The following KIAA0825 variants were observed in gnomAD, a reference collection of about 807,000 sequenced individuals.
The protein encoded by KIAA0825 is uncharacterized protein KIAA0825.
Under a neutral mutation model 147.6 loss-of-function variants are expected in KIAA0825, and 119 were observed. The observed-to-expected ratio is 0.81, with a 90% CI of 0.69 to 0.94. The LOEUF is 0.94. Among genes scored for constraint, KIAA0825 ranks in the 40% least tolerant of loss-of-function variants. The pLI is 0.00. For missense variants in KIAA0825, 1,381 were observed against 1,472.7 expected, an observed-to-expected ratio of 0.94 and a Z score of 1.02; for synonymous variants, 470 against 518.1, an observed-to-expected ratio of 0.91 and a Z score of 1.26.
intron 14 of KIAA0825, among the ~76,000 whole-genome samples, chr5:94,432,635 T>A (rs1159726561): frequency 6.6e-6 from 1 of 152,198 alleles, no homozygotes; most frequent in African/African-American, 2.4e-5. Context: ...CAGACATCAT[T>A]ACTGGCAAAA....
At chr5:94,490,800 G>A (rs1274262515) in intron 5 of KIAA0825, among the ~76,000 whole-genome samples, 1 of 152,164 alleles carries the variant, frequency 6.6e-6, no homozygotes, top group Non-Finnish European at 1.5e-5. Context: ...GGTGTTAAAT[G>A]TTAGTTATAC....
intron 20 of KIAA0825, among the ~76,000 whole-genome samples, chr5:94,342,797 A>G (rs1438663057): frequency 6.6e-6 from 1 of 152,114 alleles, no homozygotes; most frequent in African/African-American, 2.4e-5. Context: ...GAAAAAAATC[A>G]TATTAAAAAT....
intron 14 of KIAA0825, among the ~76,000 whole-genome samples, chr5:94,417,728 C>T (rs1469733997): frequency 6.6e-6 from 1 of 152,082 alleles, no homozygotes; most frequent in Admixed American, 6.6e-5. Context: ...AATAGACATT[C>T]ATTCTAAAAA....
chr5:94,227,145 C>A (rs1409193503), intron 20 of KIAA0825, among the ~76,000 whole-genome samples: 3 of 152,184 alleles, frequency 2.0e-5, no homozygotes, highest in Non-Finnish European at 2.9e-5. Flanking sequence ...TTGGAACCAA[C>A]CCAAATGTCC....
At chr5:94,174,650 C>T (rs1583749425) in intron 20 of KIAA0825, among the ~76,000 whole-genome samples, 1 of 152,036 alleles carries the variant, frequency 6.6e-6, no homozygotes, top group Non-Finnish European at 1.5e-5. Context: ...AGCTTATCCC[C>T]CTTTAAGAGG....
At chr5:94,560,989 G>A (rs1285129842) in intron 2 of KIAA0825, among the ~76,000 whole-genome samples, 1 of 152,146 alleles carries the variant, frequency 6.6e-6, no homozygotes, top group Non-Finnish European at 1.5e-5. Flanking sequence ...ATATTTATGA[G>A]GTTACTCTGG....
intron 20 of KIAA0825, among the ~76,000 whole-genome samples, chr5:94,187,643 T>C (rs1339094575): frequency 6.6e-6 from 1 of 151,988 alleles, no homozygotes; most frequent in South Asian, 2.1e-4. Flanking sequence ...GCCAGGATGG[T>C]CTTGATCTCC....
At chr5:94,542,762 G>A (rs909246406) in intron 2 of KIAA0825, among the ~76,000 whole-genome samples, 2 of 151,854 alleles carry the variant, frequency 1.3e-5, no homozygotes, top group East Asian at 1.9e-4. Flanking sequence ...AGCCAAGATC[G>A]TGTCATTGCA....
In KIAA0825 at chr5:94,153,900, T is replaced by C; in HGVS notation, c.*107A>G. On this transcript the variant is annotated 3_prime_UTR_variant, in exon 21 of 21. Transcript: ENST00000682413. ...AGTACAGAGATTACTCAGTCATTGG[T>C]TTCATGCTTCACAGCACATATGAGG... 1.4e-6 allele frequency: 1 copy of C among 700,304 alleles called. No homozygotes were observed. The highest frequency in any genetic ancestry group is 1.8e-5 in the South Asian group (1 of 54,864). 43.4% of individuals were successfully genotyped at this position (700,304 alleles called of 1,614,324 possible).
intron 14 of KIAA0825, among the ~76,000 whole-genome samples, chr5:94,427,284 G>A (rs74572061): frequency 0.011 from 1,695 of 152,112 alleles, 24 homozygotes; most frequent in Middle Eastern, 0.031. Context: ...CTGTAATCAC[G>A]GGACTTTGGG....
At chr5:94,201,874 G>T (rs1295058903) in intron 20 of KIAA0825, among the ~76,000 whole-genome samples, 1 of 152,104 alleles carries the variant, frequency 6.6e-6, no homozygotes, top group Non-Finnish European at 1.5e-5. Context: ...GCAGTGTGGG[G>T]GTCAGTGGAT....
intron 20 of KIAA0825, among the ~76,000 whole-genome samples, chr5:94,378,204 G>A (rs747220184): frequency 1.1e-4 from 17 of 152,248 alleles, no homozygotes; most frequent in Admixed American, 3.3e-4. Flanking sequence ...ATTTCATCAT[G>A]CAGGTAATAA....
chr5:94,392,902 G>A (rs182278062), intron 17 of KIAA0825, among the ~76,000 whole-genome samples: 1 of 152,006 alleles, frequency 6.6e-6, no homozygotes, highest in East Asian at 1.9e-4. Flanking sequence ...ATTAGCTAGA[G>A]TAAATTGCTT....
chr5:94,396,005 A>T (rs931642206), intron 17 of KIAA0825, 96 bp downstream of exon 17: 25 of 1,148,214 alleles, frequency 2.2e-5, no homozygotes, highest in Non-Finnish European at 2.9e-5. Context: ...GCAAAATACT[A>T]CTGCTGCCCA....
chr5:94,498,631 G>C (rs1314556071), intron 5 of KIAA0825, among the ~76,000 whole-genome samples: 2 of 152,176 alleles, frequency 1.3e-5, no homozygotes, highest in Non-Finnish European at 2.9e-5. Context: ...AAGAAGCAGA[G>C]ATGAGAAATG....
intron 20 of KIAA0825, among the ~76,000 whole-genome samples, chr5:94,328,447 T>A (rs1208208277): frequency 6.6e-6 from 1 of 152,024 alleles, no homozygotes. Context: ...ATACAGGATC[T>A]TATAGAACAA....
chr5:94,234,940 T>C (rs1344004782), intron 20 of KIAA0825, among the ~76,000 whole-genome samples: 1 of 152,088 alleles, frequency 6.6e-6, no homozygotes, highest in East Asian at 1.9e-4. Context: ...ACTTATTTGA[T>C]AAATGTTATG....
intron 14 of KIAA0825, among the ~76,000 whole-genome samples, chr5:94,422,178 C>G (rs1324277131): frequency 6.6e-6 from 1 of 152,128 alleles, no homozygotes; most frequent in East Asian, 1.9e-4. Flanking sequence ...TACTACTGCC[C>G]TTTTACCCTG....
chr5:94,212,610 C>T (rs187298896), intron 20 of KIAA0825, among the ~76,000 whole-genome samples: 1 of 152,184 alleles, frequency 6.6e-6, no homozygotes, highest in African/African-American at 2.4e-5. Context: ...TCACCCCACT[C>T]CCAAGTCTCA....
Sources: allele counts gnomAD v4.1 joint callset (sites outside exome capture counted in the v4.1 genomes callset), GRCh38; gene constraint gnomAD v4.1.1; transcripts MANE v1.5; gene names NCBI Gene and HGNC (gene_info 2026-07-23, HGNC 2026-07-21).